The following OTUD7A variants were observed in gnomAD, a reference collection of about 807,000 sequenced individuals.
OTUD7A encodes OTU deubiquitinase 7A.
Under a neutral mutation model 65.7 loss-of-function variants are expected in OTUD7A, and 12 were observed. That is an observed-to-expected ratio of 0.18 (90% CI 0.12 to 0.30). The LOEUF is 0.30. Ranked by LOEUF, OTUD7A falls within the 10% of genes least tolerant of loss-of-function variation. The pLI, the probability that OTUD7A is intolerant of heterozygous loss-of-function variation, is 1.00. For missense variants in OTUD7A, 1,148 were observed against 1,304.8 expected (o/e 0.88, Z 1.85); for synonymous variants, 641 against 586.3 (o/e 1.09, Z -1.35).
chr15:31,480,116 G>A lies in OTUD7A; in HGVS notation c.*3178C>T, dbSNP rs1395066277. On this transcript the variant is annotated 3_prime_UTR_variant, in exon 13 of 13. Coordinates refer to ENST00000307050, the MANE Select transcript of OTUD7A (RefSeq NM_001382637.1). ...TTACCCTTCCAAGGGACAACCCTGT[G>A]GCAATAACGGGTGCAAAATATTGCT... 2 of 152,150 alleles carry A rather than the reference G, an allele frequency of 1.3e-5. No individual in the cohort carries two copies. Among genetic ancestry groups the A allele is most frequent in the Non-Finnish European group, 2.9e-5 (2 of 68,012 alleles). 9.4% of individuals were successfully genotyped at this position (152,150 alleles called of 1,614,324 possible).
At chr15:31,569,248 T>C (rs1888971043) in intron 4 of OTUD7A, among the ~76,000 whole-genome samples, 2 of 152,254 alleles carry the variant, frequency 1.3e-5, no homozygotes, top group South Asian at 4.1e-4. Flanking sequence ...GATGTTTCTT[T>C]CAGCATTGCT....
At chr15:31,624,964 T>G (rs112836232) in intron 3 of OTUD7A, among the ~76,000 whole-genome samples, 3,143 of 152,312 alleles carry the variant, frequency 0.021, 99 homozygotes, top group African/African-American at 0.072. Context: ...TTAGTCTGTA[T>G]GACCGATGGA....
intron 1 of OTUD7A, among the ~76,000 whole-genome samples, chr15:31,779,722 C>A (rs994060663): frequency 3.3e-5 from 5 of 152,090 alleles, no homozygotes; most frequent in African/African-American, 1.2e-4. Context: ...AGGATCTGGA[C>A]ACCAGAGTCT....
At chr15:31,618,464 T>G (rs141651749) in intron 3 of OTUD7A, among the ~76,000 whole-genome samples, 1 of 151,890 alleles carries the variant, frequency 6.6e-6, no homozygotes, top group African/African-American at 2.4e-5. Context: ...TTTTAATGAT[T>G]GCCATTCTAA....
chr15:31,777,519 C>G (rs1895416369), intron 1 of OTUD7A, among the ~76,000 whole-genome samples: 1 of 16,414 alleles, frequency 6.1e-5, no homozygotes, highest in Non-Finnish European at 2.1e-4. Context: ...TCAGGATGGA[C>G]AGAAAATGGA....
rs145718438 is a variant in OTUD7A, at chr15:31,656,558, G to A, written c.-5+425C>T. On this transcript the variant is annotated intron_variant, in intron 2 of 12. Coordinates refer to ENST00000307050, the MANE Select transcript of OTUD7A (RefSeq NM_001382637.1). ...GCTTGCAGACCCCATTACAGGCAATGGAAAATTTTATGCTAGGAAGTATGT... is the reference window on the plus strand; with the variant it reads ...GCTTGCAGACCCCATTACAGGCAATAGAAAATTTTATGCTAGGAAGTATGT... Among the ~76,000 whole-genome samples the A allele has an allele frequency of 8.9e-3, 1,356 of 152,306 alleles. 9 individuals are homozygous for A. The highest frequency in any genetic ancestry group is 0.012 in the Non-Finnish European group (835 of 68,026).
At chr15:31,828,217 AT>A (rs1288312817) in intron 1 of OTUD7A, among the ~76,000 whole-genome samples, 1 of 151,806 alleles carries the variant, frequency 6.6e-6, no homozygotes, top group Non-Finnish European at 1.5e-5. Context: ...ATGGAAATTT[AT>A]TTTTTTGAAC....
rs552227053 is a variant in OTUD7A, at chr15:31,618,899, T to C, written c.151+36197A>G. 5.9e-5 allele frequency among the ~76,000 whole-genome samples: 9 copies of C among 152,354 alleles called. No homozygotes were observed. The South Asian group carries it at 1.4e-3, about 25-fold the overall frequency. ...CCTAGGTTTTCTTCTAGGGTTTTTA[T>C]GGTTTTAGGTCTAATGTTTAAGTCT... On this transcript the variant is annotated intron_variant, in intron 3 of 12. Coordinates refer to ENST00000307050, the MANE Select transcript of OTUD7A (RefSeq NM_001382637.1).
intron 7 of OTUD7A, among the ~76,000 whole-genome samples, 198 bp from the exon 8 acceptor site, chr15:31,526,659 C>T (rs2042018941): frequency 6.6e-6 from 1 of 152,216 alleles, no homozygotes; most frequent in Non-Finnish European, 1.5e-5. Context: ...AGCTCTAATT[C>T]CAGAGCTGCT....
chr15:31,626,228 T>C (rs974573075), intron 3 of OTUD7A, among the ~76,000 whole-genome samples: 7 of 152,200 alleles, frequency 4.6e-5, no homozygotes, highest in Admixed American at 2.6e-4. Flanking sequence ...CAGTTAATAA[T>C]AGCCAGGCGG....
At chr15:31,606,571 T>A (rs1431856796) in intron 3 of OTUD7A, among the ~76,000 whole-genome samples, 1 of 152,216 alleles carries the variant, frequency 6.6e-6, no homozygotes, top group Non-Finnish European at 1.5e-5. Flanking sequence ...TGCAAATATG[T>A]ACTAAGTCAG....
At chr15:31,666,639 G>C (rs1383648660) in intron 1 of OTUD7A, among the ~76,000 whole-genome samples, 1 of 151,788 alleles carries the variant, frequency 6.6e-6, no homozygotes, top group East Asian at 1.9e-4. Flanking sequence ...ATTTAGTTCT[G>C]CTCTGATCTT....
chr15:31,687,736 GT>G (rs1892871604), intron 1 of OTUD7A, among the ~76,000 whole-genome samples: 1 of 152,152 alleles, frequency 6.6e-6, no homozygotes. Flanking sequence ...CACAGAAAAT[GT>G]GAAACATGAA....
chr15:31,519,788 C>A (rs1032922565), intron 8 of OTUD7A, among the ~76,000 whole-genome samples: 2 of 152,154 alleles, frequency 1.3e-5, no homozygotes, highest in African/African-American at 4.8e-5. Flanking sequence ...ATTTGATACA[C>A]AAATTTAGTA....
At chr15:31,810,672 C>T (rs1325602734) in intron 1 of OTUD7A, among the ~76,000 whole-genome samples, 3 of 152,194 alleles carry the variant, frequency 2.0e-5, no homozygotes, top group Admixed American at 1.3e-4. Flanking sequence ...TTTTGTATGG[C>T]AGTCCAAGCA....
chr15:31,493,715 C>T (rs2041348532), intron 10 of OTUD7A, among the ~76,000 whole-genome samples: 1 of 152,178 alleles, frequency 6.6e-6, no homozygotes, highest in Non-Finnish European at 1.5e-5. Flanking sequence ...TTTGAACAAT[C>T]CCCCAAAACT....
chr15:31,675,095 G>A (rs1299898678), intron 1 of OTUD7A, among the ~76,000 whole-genome samples: 1 of 151,250 alleles, frequency 6.6e-6, no homozygotes, highest in Non-Finnish European at 1.5e-5. Context: ...TAGAAAAGAG[G>A]CAATAGAAAA....
At chr15:31,596,585 T>C (rs1198333467) in intron 3 of OTUD7A, among the ~76,000 whole-genome samples, 1 of 152,228 alleles carries the variant, frequency 6.6e-6, no homozygotes, top group Non-Finnish European at 1.5e-5. Flanking sequence ...GTGGTTTTAT[T>C]ATTTTGCCTT....
At position 31,630,538 on chromosome 15, in the gene OTUD7A, TG is replaced by T. The variant is rs1188241338; in HGVS notation, c.151+24557del. On this transcript the variant is annotated intron_variant, in intron 3 of 12. Coordinates refer to ENST00000307050, the MANE Select transcript of OTUD7A (RefSeq NM_001382637.1). ...TATGTGGTCAATTTTGGAATAGGTG[TG>T]GTGCTGAAAAAAATGTATATTCTGT... 2.6e-5 allele frequency among the ~76,000 whole-genome samples: 4 copies of T among 152,104 alleles called. No homozygotes were observed. In the East Asian group the frequency reaches 7.7e-4, roughly 29 times the overall value.
Sources: gnomAD v4.1 joint callset for allele counts (sites outside exome capture counted in the v4.1 genomes callset) on GRCh38, gnomAD v4.1.1 for gene constraint, MANE v1.5 for transcripts, NCBI Gene and HGNC (gene_info 2026-07-23, HGNC 2026-07-21) for gene names.